Variants in CYSLTR2 observed in about 807,000 individuals in gnomAD.
CYSLTR2 encodes the protein cysteinyl leukotriene receptor 2, also known as G-protein coupled receptor GPCR21.
For synonymous variants in CYSLTR2, 179 were observed against 160.8 expected (o/e 1.11, Z -0.86); for missense variants, 398 against 411.9 (o/e 0.97, Z 0.29).
In CYSLTR2 at chr13:48,690,536, G is replaced by T. The variant is rs552684274; in HGVS notation, c.-265-676G>T. 9.9e-5 allele frequency among the ~76,000 whole-genome samples: 15 copies of T among 152,234 alleles called. No individual in the cohort carries two copies. In the South Asian group the frequency reaches 3.1e-3, roughly 32 times the overall value. On this transcript the variant is annotated intron_variant, in intron 1 of 4. Coordinates refer to ENST00000682523, the MANE Select transcript of CYSLTR2 (RefSeq NM_001308476.3). ...TCATGTGGTTTTTGTTATTGGTTCT[G>T]TTTCTGTGATGGATTACGTTTATTG...
intron 1 of CYSLTR2, among the ~76,000 whole-genome samples, chr13:48,670,979 G>C (rs1278657654): frequency 1.3e-5 from 2 of 152,120 alleles, no homozygotes. Context: ...AGTTCTCCTT[G>C]AGGAGGTCTT....
chr13:48,656,618 T>A (rs1381426605), intron 1 of CYSLTR2, among the ~76,000 whole-genome samples: 1 of 152,176 alleles, frequency 6.6e-6, no homozygotes, highest in East Asian at 1.9e-4. Context: ...GGAGGAAAGA[T>A]GATATATTTT....
At chr13:48,679,530 C>T (rs1270135448) in intron 1 of CYSLTR2, among the ~76,000 whole-genome samples, 1 of 152,216 alleles carries the variant, frequency 6.6e-6, no homozygotes, top group Non-Finnish European at 1.5e-5. Context: ...TTTGGGCACA[C>T]AAGCTATTCC....
intron 1 of CYSLTR2, among the ~76,000 whole-genome samples, chr13:48,688,628 G>A (rs994979686): frequency 1.1e-4 from 16 of 152,170 alleles, no homozygotes; most frequent in African/African-American, 3.4e-4. Flanking sequence ...TGGCGTATAT[G>A]TGCCACATTT....
rs543431286 is a variant in CYSLTR2, at chr13:48,656,427, C to CA, written c.-266+2411dup. The stretch of plus-strand genomic sequence containing the variant: ...CATCCATTTTTTTTTCATCAATACT[C>CA]ACTCCAGTGCTCCTTTGGCAGATGA... On this transcript the variant is annotated intron_variant, in intron 1 of 4. Coordinates refer to ENST00000682523, the MANE Select transcript of CYSLTR2 (RefSeq NM_001308476.3). Among the ~76,000 whole-genome samples, 18 of 152,232 alleles carry CA rather than the reference C, an allele frequency of 1.2e-4. No individual in the cohort carries two copies. In the East Asian group the frequency reaches 3.3e-3, roughly 28 times the overall value.
intron 1 of CYSLTR2, among the ~76,000 whole-genome samples, chr13:48,660,173 G>T (rs567101123): frequency 6.6e-6 from 1 of 152,272 alleles, no homozygotes; most frequent in South Asian, 2.1e-4. Flanking sequence ...AAAGACAGAG[G>T]TGGGAAGAAG....
chr13:48,695,946 A>G (rs1954174670), intron 3 of CYSLTR2, among the ~76,000 whole-genome samples: 1 of 152,234 alleles, frequency 6.6e-6, no homozygotes, highest in African/African-American at 2.4e-5. Context: ...ACTGGAATGC[A>G]TGGTAGTTGC....
intron 4 of CYSLTR2, among the ~76,000 whole-genome samples, chr13:48,700,100 G>A (rs1188837850): frequency 9.2e-5 from 14 of 152,174 alleles, no homozygotes; most frequent in South Asian, 2.1e-4. Context: ...ACAAAGAGGA[G>A]CTGGTACCAT....
At chr13:48,667,626 G>T (rs1019473610) in intron 1 of CYSLTR2, among the ~76,000 whole-genome samples, 5 of 152,176 alleles carry the variant, frequency 3.3e-5, no homozygotes, top group African/African-American at 4.8e-5. Flanking sequence ...AGACTGGTTT[G>T]CTGGGCATGA....
chr13:48,706,549 G>A (rs867231822), intron 4 of CYSLTR2: 4 of 386,658 alleles, frequency 1.0e-5, no homozygotes, highest in Non-Finnish European at 1.9e-5. Context: ...AGGGTCAGTA[G>A]GTCACAAGTT....
At chr13:48,676,688 A>C (rs981511074) in intron 1 of CYSLTR2, among the ~76,000 whole-genome samples, 1 of 152,260 alleles carries the variant, frequency 6.6e-6, no homozygotes, top group African/African-American at 2.4e-5. Flanking sequence ...TTTGAGGTAG[A>C]GGCAGAATCT....
At chr13:48,664,405 C>T (rs748607466) in intron 1 of CYSLTR2, among the ~76,000 whole-genome samples, 5 of 151,776 alleles carry the variant, frequency 3.3e-5, no homozygotes, top group Admixed American at 1.3e-4. Flanking sequence ...TTAGATGAAC[C>T]GATATGAATT....
chr13:48,706,674 C>G (rs1177013072), intron 4 of CYSLTR2, 143 bp from the exon 5 acceptor site: 3 of 640,264 alleles, frequency 4.7e-6, no homozygotes, highest in Middle Eastern at 2.9e-4. Flanking sequence ...AAAGACTTAA[C>G]CAGTGTTTTA....
At chr13:48,688,330 C>A (rs1028680354) in intron 1 of CYSLTR2, among the ~76,000 whole-genome samples, 4 of 152,010 alleles carry the variant, frequency 2.6e-5, no homozygotes, top group East Asian at 1.9e-4. Context: ...CATAGGTATG[C>A]AAAGGCCATG....
chr13:48,695,067 C>CTTTTTTTTTT (rs1278951741), intron 3 of CYSLTR2, among the ~76,000 whole-genome samples: 3 of 83,686 alleles, frequency 3.6e-5, no homozygotes, highest in Non-Finnish European at 5.2e-5. Context: ...CAGAACCTGG[C>CTTTTTTTTTT]ATTTTTTTTT....
chr13:48,670,639 A>G (rs557079242), intron 1 of CYSLTR2, among the ~76,000 whole-genome samples: 6 of 152,204 alleles, frequency 3.9e-5, no homozygotes, highest in Admixed American at 2.0e-4. Flanking sequence ...TGGTCTATAC[A>G]TCTGTCTTGG....
At position 48,701,828 on chromosome 13, in the gene CYSLTR2, T is replaced by A. The variant is rs145823158; in HGVS notation, c.-1-4989T>A. Among the ~76,000 whole-genome samples the A allele has an allele frequency of 6.8e-3, 1,035 of 152,300 alleles. 10 individuals carry two copies. Among genetic ancestry groups the A allele is most frequent in the African/African-American group, 0.023 (964 of 41,562 alleles). ...ACTGTTGGTGGGACTGTAAACTAGT[T>A]CAACCATTGTGGAAGAGAGTGTGCC... is the stretch of plus-strand genomic sequence containing the variant. On this transcript the variant is annotated intron_variant, in intron 4 of 4. Coordinates refer to ENST00000682523, the MANE Select transcript of CYSLTR2 (RefSeq NM_001308476.3).
intron 1 of CYSLTR2, among the ~76,000 whole-genome samples, chr13:48,666,661 C>T (rs1448417808): frequency 6.6e-6 from 1 of 151,950 alleles, no homozygotes; most frequent in African/African-American, 2.4e-5. Context: ...GAAATTCTTT[C>T]TTCTTGGCCA....
At chr13:48,680,795 C>CTTTTTTTTTTTTTTTTTTTTTTTTTTT (rs1268529678) in intron 1 of CYSLTR2, among the ~76,000 whole-genome samples, 1 of 110,618 alleles carries the variant, frequency 9.0e-6, no homozygotes, top group African/African-American at 4.2e-5. Context: ...CTTTTCTTTT[C>CTTTTTTTTTTTTTTTTTTTTTTTTTTT]TTTTCTTTTT....
Sources: gnomAD v4.1 joint callset for allele counts (sites outside exome capture counted in the v4.1 genomes callset) on GRCh38, gnomAD v4.1.1 for gene constraint, MANE v1.5 for transcripts, NCBI Gene and HGNC (gene_info 2026-07-23, HGNC 2026-07-21) for gene names.